Variants in SVIP observed in about 807,000 individuals in gnomAD.
The protein encoded by SVIP is small VCP/p97-interacting protein.
In SVIP, 14 loss-of-function variants were observed where a neutral mutation model predicts 12.9. The observed-to-expected ratio is 1.08, with a 90% confidence interval of 0.72 to 1.70. SVIP has a LOEUF of 1.70. Among genes scored for constraint, SVIP ranks in the 40% most tolerant of loss-of-function variants. The pLI, the probability that SVIP is intolerant of heterozygous loss-of-function variation, is 0.00. For synonymous variants in SVIP, 35 were observed against 33.3 expected (o/e 1.05, Z -0.17); for missense variants, 93 against 90.8 (o/e 1.02, Z -0.10).
intron 1 of SVIP, 55 bp downstream of exon 1, chr11:22,829,640 C>A: frequency 2.0e-6 from 3 of 1,526,160 alleles, no homozygotes; most frequent in South Asian, 1.2e-5. Flanking sequence ...CCCCGCAACC[C>A]GAGGACAGGT....
chr11:22,828,932 A>G (rs778346749), intron 1 of SVIP, among the ~76,000 whole-genome samples: 7 of 152,240 alleles, frequency 4.6e-5, no homozygotes, highest in Non-Finnish European at 1.0e-4. Context: ...GTTAACAGAA[A>G]GCTACAAAAA....
In SVIP at chr11:22,822,629, C is replaced by T. The variant is rs1857525168; in HGVS notation, c.*490G>A. The T allele has an allele frequency of 2.6e-5, 4 of 152,262 alleles. No homozygotes were observed. The highest frequency in any genetic ancestry group is 2.6e-4 in the Admixed American group (4 of 15,272). The allele number at this position is 152,262 out of a possible 1,614,324, so 9.4% of individuals were successfully genotyped here. On this transcript the variant is annotated 3_prime_UTR_variant, in exon 4 of 4. Coordinates refer to ENST00000354193, the MANE Select transcript of SVIP (RefSeq NM_148893.3). ...TTTACAGTGCTCCTTCACATCAGCC[C>T]TTCAAATGATTTTTTCAAGATTCTC... is the stretch of plus-strand genomic sequence containing the variant.
rs916496168 is a variant in SVIP, at chr11:22,820,453, G to A, written c.*2666C>T. 6.6e-6 allele frequency: 1 copy of A among 152,162 alleles called. No individual in the cohort carries two copies. The highest frequency in any genetic ancestry group is 1.5e-5 in the Non-Finnish European group (1 of 68,022). 9.4% of individuals were successfully genotyped at this position (152,162 alleles called of 1,614,324 possible). On this transcript the variant is annotated 3_prime_UTR_variant, in exon 4 of 4. Transcript: ENST00000354193. ...AAATCCACCTATAAATCCAGGGATT[G>A]TATGAACACACCAAACAACCTTTGG...
At chr11:22,825,274 A>G (rs890843068) in intron 3 of SVIP, among the ~76,000 whole-genome samples, 1 of 152,120 alleles carries the variant, frequency 6.6e-6, no homozygotes, top group African/African-American at 2.4e-5. Flanking sequence ...TTTGAGGGTT[A>G]AGTACTTCTG....
chr11:22,826,786 AAG>A (rs1213825639), intron 3 of SVIP, among the ~76,000 whole-genome samples: 16 of 152,266 alleles, frequency 1.1e-4, no homozygotes, highest in Admixed American at 9.2e-4. Context: ...CAATGCGTAA[AAG>A]AGCTCAGGCC....
chr11:22,823,172 C>T (rs1185645940), intron 3 of SVIP, 39 bp from the exon 4 acceptor site: 1 of 1,500,600 alleles, frequency 6.7e-7, no homozygotes, highest in Non-Finnish European at 9.1e-7. Flanking sequence ...GTAAATTTTA[C>T]TTGAAGTTAT....
At position 22,823,116 on chromosome 11, in the gene SVIP, G is replaced by A. The variant is rs1857541077; in HGVS notation, c.*3C>T. The A allele has an allele frequency of 1.3e-6, 2 of 1,591,094 alleles. No homozygotes were observed. Among genetic ancestry groups the A allele is most frequent in the Non-Finnish European group, 8.6e-7 (1 of 1,168,928 alleles). ...CAGTAGATTCTTCTACTCATGTTAT[G>A]CTTTATGAAACTGTCCACTAGAAAA... is the stretch of plus-strand genomic sequence containing the variant. On this transcript the variant is annotated 3_prime_UTR_variant, in exon 4 of 4. Transcript: ENST00000354193.
At chr11:22,827,113 T>G (rs2134764213) in intron 3 of SVIP, 94 bp downstream of exon 3, 1 of 948,340 alleles carries the variant, frequency 1.1e-6, no homozygotes, top group South Asian at 1.4e-5. Context: ...AATTTTCTGA[T>G]AATACATTTC....
In SVIP at chr11:22,829,800, C is replaced by A; in HGVS notation, c.-52G>T. On this transcript the variant is annotated 5_prime_UTR_variant, in exon 1 of 4. Transcript: ENST00000354193. The stretch of plus-strand genomic sequence containing the variant: ...CGGGTCCGGCCCAGGCCAGGCGGCG[C>A]TAACTGCGCGGTCCGGAGCCGGTCC... 1 of 1,535,378 alleles carries A rather than the reference C, an allele frequency of 6.5e-7. No individual in the cohort carries two copies. The highest frequency in any genetic ancestry group is 8.8e-7 in the Non-Finnish European group (1 of 1,130,932).
chr11:22,827,372 G>T, intron 2 of SVIP, 52 bp from the exon 3 acceptor site: 1 of 1,442,314 alleles, frequency 6.9e-7, no homozygotes, highest in Non-Finnish European at 9.5e-7. Flanking sequence ...TCTGTCCAGT[G>T]TGCAAAACAT....
At position 22,823,144 on chromosome 11, in the gene SVIP, TAA is replaced by T. The variant is rs774685648; in HGVS notation, c.220-13_220-12del. 1.3e-6 allele frequency: 2 copies of T among 1,585,238 alleles called. No individual in the cohort carries two copies. The highest frequency in any genetic ancestry group is 8.6e-7 in the Non-Finnish European group (1 of 1,164,632). ...TTATGAAACTGTCCACTAGAAAAGA[TAA>T]AAAAGAGACAGAAAAGTAAATTTTA... On this transcript the variant is annotated splice_polypyrimidine_tract_variant and intron_variant, in intron 3 of 3. Transcript: ENST00000354193.
intron 1 of SVIP, chr11:22,829,461 G>A (rs1564908665): frequency 4.6e-6 from 2 of 439,276 alleles, no homozygotes; most frequent in Non-Finnish European, 8.1e-6. Context: ...AGACGCCACA[G>A]CCGCCTTTCG....
At chr11:22,826,190 G>A (rs1181446530) in intron 3 of SVIP, among the ~76,000 whole-genome samples, 1 of 152,124 alleles carries the variant, frequency 6.6e-6, no homozygotes, top group Non-Finnish European at 1.5e-5. Context: ...ATAAGATGAA[G>A]TAACGTACAA....
intron 1 of SVIP, among the ~76,000 whole-genome samples, chr11:22,828,094 A>C (rs909627561): frequency 1.3e-5 from 2 of 152,230 alleles, no homozygotes; most frequent in Non-Finnish European, 2.9e-5. Flanking sequence ...GTTTACCTAT[A>C]TAATCATTTA....
At chr11:22,826,198 C>T (rs1590172563) in intron 3 of SVIP, among the ~76,000 whole-genome samples, 2 of 152,148 alleles carry the variant, frequency 1.3e-5, no homozygotes, top group East Asian at 3.9e-4. Context: ...AAGTAACGTA[C>T]AATAGTAAAA....
chr11:22,828,639 G>T (rs889997038), intron 1 of SVIP, among the ~76,000 whole-genome samples: 1 of 151,970 alleles, frequency 6.6e-6, no homozygotes, highest in African/African-American at 2.4e-5. Context: ...AAGGGAAGAG[G>T]GTATAGTATG....
At position 22,820,046 on chromosome 11, in the gene SVIP, A is replaced by C. The variant is rs1857427288; in HGVS notation, c.*3073T>G. ...AAATGCCTTGTGTCTGTAGCTTTTG[A>C]GAAAATTGAAGAAAAAAGCCACAAT... On this transcript the variant is annotated 3_prime_UTR_variant, in exon 4 of 4. Coordinates refer to ENST00000354193, the MANE Select transcript of SVIP (RefSeq NM_148893.3). The C allele has an allele frequency of 6.6e-6, 1 of 152,214 alleles. No homozygotes were observed. The highest frequency in any genetic ancestry group is 2.4e-5 in the African/African-American group (1 of 41,460). 9.4% of individuals were successfully genotyped at this position (152,214 alleles called of 1,614,324 possible).
intron 1 of SVIP, chr11:22,829,489 A>T (rs765101497): frequency 2.0e-5 from 8 of 399,548 alleles, no homozygotes; most frequent in African/African-American, 3.3e-5. Flanking sequence ...TTTGTTACAA[A>T]AGTGGAGATC....
intron 3 of SVIP, among the ~76,000 whole-genome samples, chr11:22,825,603 G>T (rs1340642137): frequency 6.6e-6 from 1 of 151,840 alleles, no homozygotes; most frequent in African/African-American, 2.4e-5. Context: ...TTTAACTTTG[G>T]GTATGTTTTA....
Sources: gnomAD v4.1 joint callset for allele counts (sites outside exome capture counted in the v4.1 genomes callset) on GRCh38, gnomAD v4.1.1 for gene constraint, MANE v1.5 for transcripts, NCBI Gene and HGNC (gene_info 2026-07-23, HGNC 2026-07-21) for gene names.